ATRIP: variants seen among roughly 807,000 people sequenced by gnomAD.
The protein encoded by ATRIP is ATR-interacting protein.
Under a neutral mutation model 78.1 loss-of-function variants are expected in ATRIP, and 44 were observed. The ratio of observed to expected loss-of-function variants is 0.56; its 90% CI spans 0.44 to 0.72. The LOEUF is 0.72. Ranked by LOEUF, ATRIP falls within the 30% of genes least tolerant of loss-of-function variation. The pLI, the probability that ATRIP is intolerant of heterozygous loss-of-function variation, is 0.00. For synonymous variants in ATRIP, 388 were observed against 408.9 expected (o/e 0.95, Z 0.62); for missense variants, 927 against 980.2 (o/e 0.95, Z 0.72).
chr3:48,465,179 C>A (rs977846803), intron 12 of ATRIP, 96 bp downstream of exon 12: 23 of 1,476,130 alleles, frequency 1.6e-5, no homozygotes, highest in Non-Finnish European at 1.9e-5. Flanking sequence ...AGCAGGCCCC[C>A]GCCCACTGCA....
At chr3:48,462,617 C>T (rs1033388146) in intron 8 of ATRIP, among the ~76,000 whole-genome samples, 40 of 151,380 alleles carry the variant, frequency 2.6e-4, no homozygotes. Context: ...GCAGGAGAAT[C>T]GCTTGAACCC....
At position 48,459,432 on chromosome 3, in the gene ATRIP, G is replaced by A; in HGVS notation, c.903G>A (p.Trp301Ter). 2 of 1,613,992 alleles carry A rather than the reference G, an allele frequency of 1.2e-6. No individual in the cohort carries two copies. Among genetic ancestry groups the A allele is most frequent in the South Asian group, 2.2e-5 (2 of 91,072 alleles). ...CCCAGAAAAGCTTTGTTGACAGCTG[G>A]AGACAGAGATCAAACACTCAAGGTA... is the stretch of plus-strand genomic sequence containing the variant. The part of the protein sequence containing the change: ...EEAQKSFVDS[W>*]RQRSNTQGSI... Residue 301 changes from tryptophan (W) to a stop codon, truncating the protein, a stop_gained, in exon 6 of 13, where the codon TGG (tryptophan) becomes TGA (stop). Transcript: ENST00000320211. LOFTEE classifies it high-confidence loss of function.
rs750055332 is a variant in ATRIP at position 48,463,891 on chromosome 3, G to A, written c.1882+10G>A. 5 of 1,614,056 alleles carry A rather than the reference G, an allele frequency of 3.1e-6. No homozygotes were observed. In the South Asian group the frequency reaches 4.4e-5, roughly 14 times the overall value. ...CTCTGTTCCCACTCAGGTAAAGCAGGGTGGGGCGGGCGTCTAGACTGCTCC... is the reference window on the plus strand; with the variant it reads ...CTCTGTTCCCACTCAGGTAAAGCAGAGTGGGGCGGGCGTCTAGACTGCTCC... On this transcript the variant is annotated intron_variant, in intron 9 of 12. Coordinates refer to ENST00000320211, the MANE Select transcript of ATRIP (RefSeq NM_130384.3).
At position 48,467,063 on chromosome 3, in the gene ATRIP, A is replaced by C. The variant is rs1172017773; in HGVS notation, c.*1509A>C. On this transcript the variant is annotated 3_prime_UTR_variant, in exon 13 of 13. Coordinates refer to ENST00000320211, the MANE Select transcript of ATRIP (RefSeq NM_130384.3). ...GCTACGACTTCCCCCTGCTCCAAGC[A>C]GAGCTGGCTATGCTGGGCCTCACCA... The C allele has an allele frequency of 6.2e-7, 1 of 1,613,894 alleles. No homozygotes were observed. Among genetic ancestry groups the C allele is most frequent in the Non-Finnish European group, 8.5e-7 (1 of 1,180,038 alleles).
chr3:48,458,100 C>T (rs947948953), intron 5 of ATRIP, among the ~76,000 whole-genome samples: 1 of 131,912 alleles, frequency 7.6e-6, no homozygotes, highest in South Asian at 2.3e-4. Context: ...TTTTTTGAGG[C>T]GGAGTCTCAC....
chr3:48,458,548 A>G (rs1385436254), intron 5 of ATRIP, among the ~76,000 whole-genome samples: 1 of 152,050 alleles, frequency 6.6e-6, no homozygotes, highest in African/African-American at 2.4e-5. Context: ...TCTCAATCTC[A>G]TGACCTCGTG....
Position 48,466,560 on chromosome 3 carries a change from CCT to C in ATRIP, c.*1007_*1008del. The stretch of plus-strand genomic sequence containing the variant: ...GCCTGAGATGTGCTTCTGCCCACCC[CCT>C]ACCCCACTCCCTCCCCTTCGGATCT... On this transcript the variant is annotated 3_prime_UTR_variant, in exon 13 of 13. Transcript: ENST00000320211. The C allele has an allele frequency of 6.2e-7, 1 of 1,613,986 alleles. No individual in the cohort carries two copies. The highest frequency in any genetic ancestry group is 8.5e-7 in the Non-Finnish European group (1 of 1,180,000).
chr3:48,451,534 A>G (rs576351838), intron 2 of ATRIP, among the ~76,000 whole-genome samples, 195 bp from the exon 3 acceptor site: 55 of 152,294 alleles, frequency 3.6e-4, no homozygotes, highest in Middle Eastern at 3.4e-3. Flanking sequence ...TGCTTAAGCT[A>G]TCTTGATGAA....
At chr3:48,464,305 C>G (rs1262092216) in intron 10 of ATRIP, among the ~76,000 whole-genome samples, 173 bp downstream of exon 10, 1 of 152,176 alleles carries the variant, frequency 6.6e-6, no homozygotes, top group Non-Finnish European at 1.5e-5. Context: ...CACACAGATG[C>G]AATGCAGACA....
chr3:48,447,337 C>T, intron 1 of ATRIP: 1 of 1,195,230 alleles, frequency 8.4e-7, no homozygotes, highest in Non-Finnish European at 1.0e-6. Context: ...ACGTTATTTT[C>T]TAAAGTTTAG....
At chr3:48,460,903 C>G (rs2040088303) in intron 8 of ATRIP, 104 bp downstream of exon 8, 6 of 1,130,224 alleles carry the variant, frequency 5.3e-6, no homozygotes, top group Non-Finnish European at 6.2e-6. Flanking sequence ...CTTATCTACA[C>G]TAGTTAGTTC....
intron 4 of ATRIP, among the ~76,000 whole-genome samples, chr3:48,454,963 A>G (rs1415098536): frequency 1.3e-5 from 2 of 151,942 alleles, no homozygotes; most frequent in African/African-American, 4.8e-5. Flanking sequence ...CCTGGGTTCA[A>G]GCAATTCTCC....
rs1345406034 is a variant in ATRIP at position 48,466,617 on chromosome 3, T to C, written c.*1063T>C. On this transcript the variant is annotated 3_prime_UTR_variant, in exon 13 of 13. Transcript: ENST00000320211. ...ACTGGGCACTCACACACCCACCCCA[T>C]GCTCCTCTCCAGGCTCAGCAGCAGG... The C allele has an allele frequency of 6.4e-7, 1 of 1,552,774 alleles. No homozygotes were observed. Among genetic ancestry groups the C allele is most frequent in the Non-Finnish European group, 8.8e-7 (1 of 1,140,888 alleles).
At position 48,467,260 on chromosome 3, in the gene ATRIP, T is replaced by G. The variant is rs769993269; in HGVS notation, c.*1706T>G. 5.0e-6 allele frequency: 8 copies of G among 1,614,152 alleles called. No homozygotes were observed. The highest frequency in any genetic ancestry group is 5.9e-6 in the Non-Finnish European group (7 of 1,180,036). ...TCGCACACGGCTGAGGGTGATGTCC[T>G]GGCCCTGCTCAGCATCTGTCAGTGG... On this transcript the variant is annotated 3_prime_UTR_variant, in exon 13 of 13. Coordinates refer to ENST00000320211, the MANE Select transcript of ATRIP (RefSeq NM_130384.3).
chr3:48,456,599 C>CAA (rs1206247597), intron 4 of ATRIP, among the ~76,000 whole-genome samples: 1 of 133,386 alleles, frequency 7.5e-6, no homozygotes. Flanking sequence ...CCCTGTCTCA[C>CAA]CAAAAAAAAA....
rs2040084657 is a variant in ATRIP at position 48,460,794 on chromosome 3, G to A, written c.1740G>A (p.Leu580=). Residue 580 remains leucine, a synonymous_variant, in exon 8 of 13, where the codon TTG becomes TTA. Transcript: ENST00000320211. ...KLAENTSCDF[L]PRFQCVFQVL... is the part of the protein sequence containing the mutation. The stretch of plus-strand genomic sequence containing the variant: ...CCGAAAACACTTCCTGTGATTTCTT[G>A]CCCAGGTATTAAGCTGCATAGGAGT... 1 of 1,595,548 alleles carries A rather than the reference G, an allele frequency of 6.3e-7. No individual in the cohort carries two copies. Among genetic ancestry groups the A allele is most frequent in the African/African-American group, 1.3e-5 (1 of 74,626 alleles).
intron 1 of ATRIP, 117 bp downstream of exon 1, chr3:48,447,209 T>G: frequency 7.8e-7 from 1 of 1,288,406 alleles, no homozygotes; most frequent in Non-Finnish European, 9.8e-7. Context: ...TTTTAAAATA[T>G]GGGAACACCC....
At position 48,460,102 on chromosome 3, in the gene ATRIP, G is replaced by A. The variant is rs1158582946; in HGVS notation, c.1056-8G>A. The A allele has an allele frequency of 6.2e-7, 1 of 1,601,528 alleles. No individual in the cohort carries two copies. The highest frequency in any genetic ancestry group is 1.3e-5 in the African/African-American group (1 of 74,324). On this transcript the variant is annotated splice_region_variant and splice_polypyrimidine_tract_variant and intron_variant, in intron 7 of 12. Coordinates refer to ENST00000320211, the MANE Select transcript of ATRIP (RefSeq NM_130384.3). ...ACTTAATCTATTTTTCTTTGTGTTT[G>A]TTGCCAGTACCTTGGCTGGAATGTC...
rs951066741 is a variant in ATRIP, at chr3:48,466,211, C to T, written c.*657C>T. On this transcript the variant is annotated 3_prime_UTR_variant, in exon 13 of 13. Transcript: ENST00000320211. ...GGCCTGGCTCACGTGGGCCTGTAGG[C>T]GGGCCCACGCCAAGTTTCACTTCCC... 53 of 564,482 alleles carry T rather than the reference C, an allele frequency of 9.4e-5. No individual in the cohort carries two copies. Among genetic ancestry groups the T allele is most frequent in the African/African-American group, 1.3e-4 (7 of 53,268 alleles). 35.0% of individuals were successfully genotyped at this position (564,482 alleles called of 1,614,324 possible). A position where few individuals can be genotyped will look rare whatever the true frequency, so the allele number is the denominator to read the frequency against.
Sources: gnomAD v4.1 joint callset for allele counts (sites outside exome capture counted in the v4.1 genomes callset) on GRCh38, gnomAD v4.1.1 for gene constraint, MANE v1.5 for transcripts, NCBI Gene and HGNC (gene_info 2026-07-23, HGNC 2026-07-21) for gene names.